Variants in LRRTM3 observed in about 807,000 individuals in gnomAD.
LRRTM3 encodes the protein leucine rich repeat transmembrane neuronal 3, also known as leucine-rich repeat transmembrane neuronal protein 3.
A neutral mutation model predicts 44.7 loss-of-function variants in LRRTM3; 24 were observed. The ratio of observed to expected loss-of-function variants is 0.54; its 90% CI spans 0.39 to 0.76. The LOEUF (loss-of-function observed/expected upper bound fraction) is 0.76. Among genes scored for constraint, LRRTM3 ranks in the 30% least tolerant of loss-of-function variants. The pLI, the probability that LRRTM3 is intolerant of heterozygous loss-of-function variation, is 0.00. For synonymous variants in LRRTM3, 277 were observed against 278.7 expected (o/e 0.99, Z 0.06); for missense variants, 587 against 702.2 (o/e 0.84, Z 1.85).
intron 2 of LRRTM3, among the ~76,000 whole-genome samples, chr10:67,063,960 A>G (rs1223357401): frequency 1.3e-5 from 2 of 152,314 alleles, no homozygotes; most frequent in East Asian, 3.9e-4. Flanking sequence ...CAGCTAATCA[A>G]CACAACAAAA....
intron 2 of LRRTM3, among the ~76,000 whole-genome samples, chr10:67,073,489 G>GT (rs1259199092): frequency 6.6e-5 from 10 of 151,560 alleles, no homozygotes; most frequent in African/African-American, 2.4e-4. Context: ...ATCATCTTCA[G>GT]TAAAAACTCT....
chr10:67,044,308 G>A (rs1564851360), intron 2 of LRRTM3, among the ~76,000 whole-genome samples: 2 of 152,054 alleles, frequency 1.3e-5, no homozygotes, highest in Non-Finnish European at 2.9e-5. Context: ...ATTTAACGAG[G>A]GGGAAGGGGA....
intron 2 of LRRTM3, among the ~76,000 whole-genome samples, chr10:67,041,216 A>T (rs1391878026): frequency 6.6e-6 from 1 of 152,062 alleles, no homozygotes; most frequent in Non-Finnish European, 1.5e-5. Context: ...TTGTCAGAAT[A>T]GATTTTCTGA....
At chr10:66,963,317 A>C (rs531782262) in intron 2 of LRRTM3, among the ~76,000 whole-genome samples, 4 of 152,302 alleles carry the variant, frequency 2.6e-5, no homozygotes, top group African/African-American at 9.6e-5. Flanking sequence ...GCTGTGTAGC[A>C]CTGGGAAATT....
intron 2 of LRRTM3, among the ~76,000 whole-genome samples, chr10:66,956,973 A>G (rs981519551): frequency 3.3e-5 from 5 of 152,212 alleles, no homozygotes. Flanking sequence ...GGGGAAAGAA[A>G]ACTAGTGGTA....
At chr10:67,036,714 C>T (rs925380574) in intron 2 of LRRTM3, among the ~76,000 whole-genome samples, 1 of 151,974 alleles carries the variant, frequency 6.6e-6, no homozygotes, top group African/African-American at 2.4e-5. Flanking sequence ...AGGCTGTGCC[C>T]ATTCATTTGT....
intron 2 of LRRTM3, among the ~76,000 whole-genome samples, chr10:66,952,109 A>T (rs573479935): frequency 6.6e-6 from 1 of 152,282 alleles, no homozygotes; most frequent in East Asian, 1.9e-4. Flanking sequence ...TTCTCCCCCC[A>T]ATATTTTTAA....
At chr10:67,086,465 T>A (rs1857314936) in intron 2 of LRRTM3, among the ~76,000 whole-genome samples, 1 of 152,044 alleles carries the variant, frequency 6.6e-6, no homozygotes, top group African/African-American at 2.4e-5. Flanking sequence ...TGAAAGCCTG[T>A]TTGGATGTCA....
At chr10:67,077,878 CT>C (rs1856816015) in intron 2 of LRRTM3, among the ~76,000 whole-genome samples, 1 of 151,962 alleles carries the variant, frequency 6.6e-6, no homozygotes, top group African/African-American at 2.4e-5. Context: ...AGATAGAAAT[CT>C]TTTTATCTAG....
At chr10:67,042,618 G>A (rs553600861) in intron 2 of LRRTM3, among the ~76,000 whole-genome samples, 1 of 152,114 alleles carries the variant, frequency 6.6e-6, no homozygotes, top group Admixed American at 6.5e-5. Context: ...GAGGAGAAAG[G>A]AAGTCATGGA....
At chr10:66,988,520 G>C (rs965565814) in intron 2 of LRRTM3, among the ~76,000 whole-genome samples, 2 of 151,902 alleles carry the variant, frequency 1.3e-5, no homozygotes, top group African/African-American at 4.8e-5. Context: ...TTTTTATTTG[G>C]CAGTCACTTT....
intron 2 of LRRTM3, among the ~76,000 whole-genome samples, chr10:66,969,602 G>A (rs946359180): frequency 6.6e-6 from 1 of 151,996 alleles, no homozygotes; most frequent in African/African-American, 2.4e-5. Flanking sequence ...ATGATAATTT[G>A]TATTATAACT....
intron 2 of LRRTM3, among the ~76,000 whole-genome samples, chr10:67,030,660 C>G (rs1480733092): frequency 1.3e-5 from 2 of 151,980 alleles, no homozygotes; most frequent in East Asian, 3.9e-4. Flanking sequence ...ATTATTATTT[C>G]TCCATAGAGA....
At chr10:66,952,533 GTAT>G (rs1265572204) in intron 2 of LRRTM3, among the ~76,000 whole-genome samples, 13 of 151,800 alleles carry the variant, frequency 8.6e-5, no homozygotes, top group Non-Finnish European at 1.6e-4. Flanking sequence ...AATTGTGTGT[GTAT>G]TTATGTGTGT....
intron 2 of LRRTM3, among the ~76,000 whole-genome samples, chr10:67,041,296 T>C (rs1331740523): frequency 2.6e-5 from 4 of 152,152 alleles, no homozygotes; most frequent in African/African-American, 2.4e-5. Context: ...TCCAGCCTTA[T>C]GGAGAGTTAA....
At chr10:67,041,914 C>T (rs991487045) in intron 2 of LRRTM3, among the ~76,000 whole-genome samples, 3 of 152,012 alleles carry the variant, frequency 2.0e-5, no homozygotes, top group Non-Finnish European at 2.9e-5. Context: ...TTCATAAAAG[C>T]AATTGTACTG....
intron 2 of LRRTM3, among the ~76,000 whole-genome samples, chr10:67,088,271 A>G (rs1857422225): frequency 6.6e-6 from 1 of 151,770 alleles, no homozygotes; most frequent in Non-Finnish European, 1.5e-5. Context: ...GAAGGCATTC[A>G]GCAAACCTTC....
At chr10:66,981,925 C>T (rs1850465615) in intron 2 of LRRTM3, among the ~76,000 whole-genome samples, 1 of 152,182 alleles carries the variant, frequency 6.6e-6, no homozygotes, top group Non-Finnish European at 1.5e-5. Context: ...ATGAAATCCA[C>T]AGGAAGCTCC....
At chr10:66,926,785 C>A in intron 1 of LRRTM3, 136 bp from the exon 2 acceptor site, 1 of 963,348 alleles carries the variant, frequency 1.0e-6, no homozygotes. Context: ...TCTTTAATTA[C>A]AAAGAGATAA....
Sources: allele counts gnomAD v4.1 joint callset (sites outside exome capture counted in the v4.1 genomes callset), GRCh38; gene constraint gnomAD v4.1.1; transcripts MANE v1.5; gene names NCBI Gene and HGNC (gene_info 2026-07-23, HGNC 2026-07-21).